Variants in ACBD6 observed in about 807,000 individuals in gnomAD.
ACBD6 encodes acyl-CoA binding domain containing 6, also known as acyl-CoA-binding domain-containing protein 6.
ACBD6 carries 28 observed loss-of-function variants against 37.2 expected under a neutral mutation model. The ratio of observed to expected loss-of-function variants is 0.75; its 90% CI spans 0.56 to 1.03. The LOEUF is 1.03. ACBD6 is among the 50% of genes least tolerant of loss of function. The pLI is 0.00. For missense variants in ACBD6, 340 were observed against 337.4 expected, an observed-to-expected ratio of 1.01 and a Z score of -0.06; for synonymous variants, 113 against 126.8, an observed-to-expected ratio of 0.89 and a Z score of 0.73.
intron 7 of ACBD6, among the ~76,000 whole-genome samples, chr1:180,312,271 T>C (rs909568754): frequency 6.6e-6 from 1 of 152,216 alleles, no homozygotes; most frequent in African/African-American, 2.4e-5. Flanking sequence ...TCTATTTTTT[T>C]CTATGAAGGT....
intron 6 of ACBD6, among the ~76,000 whole-genome samples, chr1:180,359,472 T>C (rs1439361748): frequency 6.6e-6 from 1 of 152,008 alleles, no homozygotes; most frequent in Non-Finnish European, 1.5e-5. Context: ...CCTGTAAAAA[T>C]ATAAAGTGTC....
intron 6 of ACBD6, among the ~76,000 whole-genome samples, chr1:180,373,058 C>T (rs911976490): frequency 1.3e-5 from 2 of 151,928 alleles, no homozygotes; most frequent in East Asian, 1.9e-4. Flanking sequence ...TTAGCTAGGC[C>T]GAGAGTCACC....
At chr1:180,337,854 C>T (rs1444773448) in intron 6 of ACBD6, among the ~76,000 whole-genome samples, 1 of 152,140 alleles carries the variant, frequency 6.6e-6, no homozygotes, top group Non-Finnish European at 1.5e-5. Flanking sequence ...TTCTTATACA[C>T]CAATAACAGA....
intron 6 of ACBD6, among the ~76,000 whole-genome samples, chr1:180,320,580 A>G (rs1651031834): frequency 6.6e-6 from 1 of 152,224 alleles, no homozygotes; most frequent in African/African-American, 2.4e-5. Context: ...TAGGGGTTGC[A>G]GTGAGCTGAG....
chr1:180,436,024 T>C, intron 3 of ACBD6: 1 of 731,670 alleles, frequency 1.4e-6, no homozygotes, highest in Non-Finnish European at 2.3e-6. Context: ...TTTAATGTTG[T>C]ACGTCTGGAA....
intron 3 of ACBD6, among the ~76,000 whole-genome samples, chr1:180,437,160 T>C (rs538015197): frequency 5.9e-5 from 9 of 152,320 alleles, no homozygotes; most frequent in African/African-American, 2.2e-4. Context: ...TCTGTATCCT[T>C]TGTAACATCC....
chr1:180,326,430 C>T (rs373554706), intron 6 of ACBD6: 1 of 152,274 alleles, frequency 6.6e-6, no homozygotes, highest in South Asian at 2.1e-4. Flanking sequence ...CAGTGGGCTC[C>T]CCTCTGGCCC....
rs553205081 is a variant in ACBD6, at chr1:180,397,984, C to T, written c.574-379G>A. On this transcript the variant is annotated intron_variant, in intron 5 of 7. Coordinates refer to ENST00000367595, the MANE Select transcript of ACBD6 (RefSeq NM_032360.4). ...AGGAGAATCGCTTGAACTCGGGAGG[C>T]GGAGGTTGCAGTGGGCCGAGATTGT... Among the ~76,000 whole-genome samples, 112 of 152,010 alleles carry T rather than the reference C, an allele frequency of 7.4e-4. 1 individual carries two copies. The highest frequency in any genetic ancestry group is 1.0e-3 in the Non-Finnish European group (69 of 67,952).
intron 5 of ACBD6, among the ~76,000 whole-genome samples, chr1:180,409,031 C>T (rs1647741349): frequency 6.6e-6 from 1 of 152,028 alleles, no homozygotes; most frequent in African/African-American, 2.4e-5. Flanking sequence ...GTAGTGCACA[C>T]CTGTGGTCCT....
chr1:180,337,362 T>G (rs925400337), intron 6 of ACBD6, among the ~76,000 whole-genome samples: 43 of 152,192 alleles, frequency 2.8e-4, no homozygotes, highest in Non-Finnish European at 5.4e-4. Context: ...CAAAAATCAA[T>G]AAACGTAATC....
chr1:180,297,701 C>A (rs137926879), intron 7 of ACBD6, among the ~76,000 whole-genome samples: 72 of 152,228 alleles, frequency 4.7e-4, no homozygotes, highest in African/African-American at 1.7e-3. Context: ...ATTATAGTAT[C>A]TTTTTGAGAC....
At chr1:180,360,724 A>G (rs1652815958) in intron 6 of ACBD6, among the ~76,000 whole-genome samples, 1 of 152,150 alleles carries the variant, frequency 6.6e-6, no homozygotes, top group African/African-American at 2.4e-5. Context: ...ATTTTAAATA[A>G]TATTATCTTA....
At chr1:180,480,444 G>C (rs11799870) in intron 3 of ACBD6, among the ~76,000 whole-genome samples, 73,917 of 152,136 alleles carry the variant, frequency 0.49, 20,767 homozygotes, top group South Asian at 0.66. Context: ...ATCACTGCTA[G>C]GTTTCTCACT....
intron 1 of ACBD6, 90 bp downstream of exon 1, chr1:180,501,955 T>A: frequency 1.7e-5 from 20 of 1,144,024 alleles, no homozygotes; most frequent in Non-Finnish European, 2.2e-5. Context: ...TCATTACACC[T>A]AGCTATTAAC....
chr1:180,375,310 G>A (rs1161694675), intron 6 of ACBD6, among the ~76,000 whole-genome samples: 1 of 152,040 alleles, frequency 6.6e-6, no homozygotes, highest in Non-Finnish European at 1.5e-5. Flanking sequence ...AGACAAAGGT[G>A]GCATCTCAAA....
rs532527075 is a variant in ACBD6 at position 180,440,842 on chromosome 1, G to C, written c.385-10580C>G. On this transcript the variant is annotated intron_variant, in intron 3 of 7. Coordinates refer to ENST00000367595, the MANE Select transcript of ACBD6 (RefSeq NM_032360.4). Reference sequence around the variant, plus strand: ...TGTCTGGCCTCTCACTTGGTTTAATGTTTTCAAGGCTCATCTATATTATAG... The same window carrying C: ...TGTCTGGCCTCTCACTTGGTTTAATCTTTTCAAGGCTCATCTATATTATAG... Among the ~76,000 whole-genome samples, 4 of 152,284 alleles carry C rather than the reference G, an allele frequency of 2.6e-5. No individual in the cohort carries two copies. In the South Asian group the frequency reaches 8.3e-4, roughly 32 times the overall value.
At chr1:180,382,292 G>T (rs1295340957) in intron 6 of ACBD6, among the ~76,000 whole-genome samples, 1 of 151,726 alleles carries the variant, frequency 6.6e-6, no homozygotes, top group Non-Finnish European at 1.5e-5. Flanking sequence ...ATAAACAGAA[G>T]TTAATAAACC....
At chr1:180,292,143 T>C (rs1649732373) in intron 7 of ACBD6, among the ~76,000 whole-genome samples, 1 of 152,214 alleles carries the variant, frequency 6.6e-6, no homozygotes, top group Admixed American at 6.5e-5. Context: ...CAAAGTTGTT[T>C]TGATTATTCT....
At chr1:180,489,663 G>A (rs574756468) in intron 3 of ACBD6, among the ~76,000 whole-genome samples, 3 of 144,474 alleles carry the variant, frequency 2.1e-5, no homozygotes, top group African/African-American at 7.6e-5. Context: ...TCTGCAAGTC[G>A]TTTTTTTTTT....
Sources: gnomAD v4.1 joint callset for allele counts (sites outside exome capture counted in the v4.1 genomes callset) on GRCh38, gnomAD v4.1.1 for gene constraint, MANE v1.5 for transcripts, NCBI Gene and HGNC (gene_info 2026-07-23, HGNC 2026-07-21) for gene names.